The following DNMT3B variants were observed in gnomAD, a reference collection of about 807,000 sequenced individuals.
DNMT3B encodes the protein DNA (cytosine-5)-methyltransferase 3B.
In DNMT3B, 37 loss-of-function variants were observed where a neutral mutation model predicts 120.2. The ratio of observed to expected loss-of-function variants is 0.31; its 90% CI spans 0.24 to 0.40. DNMT3B has a LOEUF of 0.40. DNMT3B is among the 10% of genes least tolerant of loss of function. The pLI is 1.00. For missense variants in DNMT3B, 878 were observed against 1,137.3 expected, an observed-to-expected ratio of 0.77 and a Z score of 3.28; for synonymous variants, 412 against 442.8, an observed-to-expected ratio of 0.93 and a Z score of 0.87.
intron 3 of DNMT3B, among the ~76,000 whole-genome samples, chr20:32,781,641 C>T (rs550094661): frequency 4.6e-5 from 7 of 152,336 alleles, no homozygotes; most frequent in African/African-American, 1.7e-4. Context: ...TTGCTTTCCA[C>T]GATTTCAGTT....
intron 8 of DNMT3B, 107 bp downstream of exon 8, chr20:32,791,815 G>C: frequency 3.3e-6 from 4 of 1,228,784 alleles, no homozygotes; most frequent in Admixed American, 1.9e-5. Context: ...GAGGGGACAG[G>C]GTGGCCAGGG....
chr20:32,780,857 C>T (rs981428348), intron 2 of DNMT3B, among the ~76,000 whole-genome samples: 2 of 152,204 alleles, frequency 1.3e-5, no homozygotes, highest in Admixed American at 6.5e-5. Flanking sequence ...CCCTGAGCAG[C>T]TCCAGCCAGC....
rs551107772 is a variant in DNMT3B at position 32,768,439 on chromosome 20, G to A, written c.-7+5740G>A. Reference sequence around the variant, plus strand: ...ATTCCCCACCTCAGGTGATCCACCCGCCTCGGCCTACCAAAGTGCTAGGAT... The same window carrying A: ...ATTCCCCACCTCAGGTGATCCACCCACCTCGGCCTACCAAAGTGCTAGGAT... On this transcript the variant is annotated intron_variant, in intron 1 of 22. Transcript: ENST00000328111. Among the ~76,000 whole-genome samples the A allele has an allele frequency of 6.4e-4, 98 of 152,118 alleles. 1 individual carries two copies. Among genetic ancestry groups the A allele is most frequent in the African/African-American group, 2.0e-3 (83 of 41,494 alleles).
intron 5 of DNMT3B, 102 bp downstream of exon 5, chr20:32,786,729 T>G (rs1007313130): frequency 3.2e-6 from 5 of 1,565,648 alleles, no homozygotes; most frequent in Non-Finnish European, 4.4e-6. Flanking sequence ...ATCTGTGTCC[T>G]TTTTTCACAC....
At chr20:32,804,295 G>A (rs1454134802) in intron 20 of DNMT3B, among the ~76,000 whole-genome samples, 1 of 152,194 alleles carries the variant, frequency 6.6e-6, no homozygotes, top group African/African-American at 2.4e-5. Flanking sequence ...CTTATAGTCA[G>A]CACAAGGCGG....
intron 4 of DNMT3B, 77 bp downstream of exon 4, chr20:32,784,936 C>A: frequency 7.1e-7 from 1 of 1,399,578 alleles, no homozygotes; most frequent in Non-Finnish European, 1.0e-6. Flanking sequence ...ACATACATAG[C>A]ATAGCTCCTT....
At chr20:32,767,776 A>T (rs1440114726) in intron 1 of DNMT3B, among the ~76,000 whole-genome samples, 2 of 152,130 alleles carry the variant, frequency 1.3e-5, no homozygotes, top group Non-Finnish European at 2.9e-5. Flanking sequence ...ATGTCTGAAG[A>T]AGAGTGGTTG....
chr20:32,772,447 G>A (rs147280788), intron 1 of DNMT3B, among the ~76,000 whole-genome samples: 177 of 152,306 alleles, frequency 1.2e-3, no homozygotes, highest in African/African-American at 4.0e-3. Flanking sequence ...TCTCTTTCCA[G>A]AATATTGACC....
chr20:32,772,301 C>G (rs1005610740), intron 1 of DNMT3B, among the ~76,000 whole-genome samples: 2 of 151,914 alleles, frequency 1.3e-5, no homozygotes, highest in Non-Finnish European at 2.9e-5. Flanking sequence ...AAGACTGAAC[C>G]AGTATCCCTG....
intron 14 of DNMT3B, among the ~76,000 whole-genome samples, chr20:32,797,570 T>G (rs2146021932): frequency 6.6e-6 from 1 of 152,310 alleles, no homozygotes; most frequent in South Asian, 2.1e-4. Context: ...CATAGGTCAC[T>G]GCAGCCTCCA....
intron 11 of DNMT3B, 50 bp downstream of exon 11, chr20:32,795,584 C>T (rs1319024802): frequency 2.5e-6 from 4 of 1,614,030 alleles, no homozygotes; most frequent in African/African-American, 1.3e-5. Flanking sequence ...GAGGACGCTG[C>T]AGATCAGGAA....
intron 1 of DNMT3B, among the ~76,000 whole-genome samples, chr20:32,777,838 G>A (rs1988142726): frequency 6.6e-6 from 1 of 152,226 alleles, no homozygotes; most frequent in African/African-American, 2.4e-5. Context: ...GGGCTGAGAA[G>A]CAGCTGATTG....
Position 32,805,372 on chromosome 20 carries a change from C to T in DNMT3B, c.2266C>T (p.Leu756=), listed in dbSNP as rs752174027. ...AGCATCAAAGAATGATAAACTCGAGCTGCAGGACTGCTTGGAATACAATAG... is the reference window on the plus strand; with the variant it reads ...AGCATCAAAGAATGATAAACTCGAGTTGCAGGACTGCTTGGAATACAATAG... ...VIASKNDKLE[L]QDCLEYNRIA... is the part of the protein sequence containing the mutation. The change falls in exon 21 of 23, where the codon CTG becomes TTG. Residue 756 remains leucine, a synonymous_variant. Coordinates refer to ENST00000328111, the MANE Select transcript of DNMT3B (RefSeq NM_006892.4). 3 of 1,614,146 alleles carry T rather than the reference C, an allele frequency of 1.9e-6. No homozygotes were observed. In the South Asian group the frequency reaches 3.3e-5, roughly 18 times the overall value.
chr20:32,769,334 G>A (rs986447835), intron 1 of DNMT3B, among the ~76,000 whole-genome samples: 3 of 152,014 alleles, frequency 2.0e-5, no homozygotes, highest in South Asian at 2.1e-4. Context: ...TGATCTGCCC[G>A]CCTCGGCCTC....
At chr20:32,783,367 A>G (rs1978859005) in intron 3 of DNMT3B, among the ~76,000 whole-genome samples, 2 of 152,320 alleles carry the variant, frequency 1.3e-5, no homozygotes, top group African/African-American at 2.4e-5. Flanking sequence ...GACTTGCTAC[A>G]TTATCAAGCT....
At chr20:32,793,326 T>C (rs1980210790) in intron 9 of DNMT3B, among the ~76,000 whole-genome samples, 1 of 152,046 alleles carries the variant, frequency 6.6e-6, no homozygotes, top group South Asian at 2.1e-4. Context: ...ATTAGCCTGG[T>C]GTGCTTGGCA....
chr20:32,780,496 C>T, intron 2 of DNMT3B, 31 bp downstream of exon 2: 1 of 1,607,240 alleles, frequency 6.2e-7, no homozygotes, highest in South Asian at 1.1e-5. Flanking sequence ...GGGGTGGTGT[C>T]AGGCGCTGAC....
chr20:32,789,500 CT>C (rs1236350286), intron 7 of DNMT3B, among the ~76,000 whole-genome samples: 1 of 152,126 alleles, frequency 6.6e-6, no homozygotes, highest in African/African-American at 2.4e-5. Context: ...TGATTCTAGC[CT>C]TTTAAAATCT....
chr20:32,801,433 G>T lies in DNMT3B; in HGVS notation c.2145+7G>T. Reference sequence around the variant, plus strand: ...CATCTCACGGTTCCTGGAGGTGAGGGAATCTGGGGACCTGATTGTCACAGA... The same window carrying T: ...CATCTCACGGTTCCTGGAGGTGAGGTAATCTGGGGACCTGATTGTCACAGA... On this transcript the variant is annotated splice_region_variant and intron_variant, in intron 19 of 22. Transcript: ENST00000328111. The T allele has an allele frequency of 6.2e-7, 1 of 1,613,878 alleles. No homozygotes were observed. The highest frequency in any genetic ancestry group is 2.2e-5 in the East Asian group (1 of 44,878).
Sources: allele counts gnomAD v4.1 joint callset (sites outside exome capture counted in the v4.1 genomes callset), GRCh38; gene constraint gnomAD v4.1.1; transcripts MANE v1.5; gene names NCBI Gene and HGNC (gene_info 2026-07-23, HGNC 2026-07-21).